The following IL1RAPL1 variants were observed in gnomAD, a reference collection of about 807,000 sequenced individuals.
IL1RAPL1 encodes interleukin-1 receptor accessory protein-like 1.
IL1RAPL1 carries 3 observed loss-of-function variants against 48.4 expected under a neutral mutation model. The ratio of observed to expected loss-of-function variants is 0.06; its 90% CI spans 0.03 to 0.16. The LOEUF is 0.16. Ranked by LOEUF, IL1RAPL1 falls within the 10% of genes least tolerant of loss-of-function variation. IL1RAPL1 has a pLI of 1.00. For missense variants in IL1RAPL1, 349 were observed against 530.6 expected, an observed-to-expected ratio of 0.66 and a Z score of 3.36; for synonymous variants, 185 against 187.7, an observed-to-expected ratio of 0.99 and a Z score of 0.12.
At chrX:29,350,509 G>T (rs1933215793) in intron 3 of IL1RAPL1, among the ~76,000 whole-genome samples, 2 of 107,354 alleles carry the variant, frequency 1.9e-5, no homozygotes, top group Admixed American at 2.0e-4. Context: ...AGTTTTCTCT[G>T]GGTACTCTGT....
At chrX:29,693,856 G>A (rs1383865972) in intron 6 of IL1RAPL1, among the ~76,000 whole-genome samples, 1 of 108,764 alleles carries the variant, frequency 9.2e-6, no homozygotes, top group Non-Finnish European at 1.9e-5. Context: ...GGTCAACTAT[G>A]CTTTTGAGGT....
chrX:29,457,423 C>T (rs955333208), intron 5 of IL1RAPL1, among the ~76,000 whole-genome samples: 1 of 110,991 alleles, frequency 9.0e-6, no homozygotes, highest in Non-Finnish European at 1.9e-5. Context: ...CCCATTTATA[C>T]GTGAGAACAT....
chrX:29,543,591 C>CATAT (rs34182954), intron 5 of IL1RAPL1, among the ~76,000 whole-genome samples: 1 of 105,881 alleles, frequency 9.4e-6, no homozygotes, highest in Admixed American at 1.0e-4. Flanking sequence ...AAACAAAAGA[C>CATAT]ATATATATAT....
chrX:28,730,470 A>G lies in IL1RAPL1; in HGVS notation c.-24-58850A>G, dbSNP rs1206775027. On this transcript the variant is annotated intron_variant, in intron 1 of 10. Coordinates refer to ENST00000378993, the MANE Select transcript of IL1RAPL1 (RefSeq NM_014271.4). Reference sequence around the variant, plus strand: ...ACTTGGCCATATTTTCTACAAAATTATCTAACATAGAATGAACATATTTAT... The same window carrying G: ...ACTTGGCCATATTTTCTACAAAATTGTCTAACATAGAATGAACATATTTAT... Among the ~76,000 whole-genome samples, 3 of 111,980 alleles carry G rather than the reference A, an allele frequency of 2.7e-5. No homozygotes were observed. In the East Asian group the frequency reaches 8.3e-4, roughly 31 times the overall value.
intron 2 of IL1RAPL1, among the ~76,000 whole-genome samples, chrX:28,946,649 A>G (rs1297173392): frequency 9.0e-6 from 1 of 110,815 alleles, no homozygotes. Context: ...CAATCCAAAC[A>G]ATATTTATTG....
chrX:29,152,381 T>G (rs1929484695), intron 2 of IL1RAPL1, among the ~76,000 whole-genome samples: 1 of 111,966 alleles, frequency 8.9e-6, no homozygotes, highest in African/African-American at 3.2e-5. Context: ...AGAGTATGCC[T>G]TGTGACTTTC....
At chrX:29,383,072 T>C (rs1446725884) in intron 3 of IL1RAPL1, among the ~76,000 whole-genome samples, 1 of 112,341 alleles carries the variant, frequency 8.9e-6, no homozygotes, top group Non-Finnish European at 1.9e-5. Context: ...ATGAAGGGTA[T>C]GTGCAACAAC....
intron 5 of IL1RAPL1, among the ~76,000 whole-genome samples, chrX:29,461,100 A>G (rs1830911416): frequency 8.9e-6 from 1 of 111,974 alleles, no homozygotes; most frequent in Admixed American, 9.5e-5. Context: ...AGAAAAACAC[A>G]TTTAAAAAAA....
chrX:29,537,056 CTG>C (rs1921258850), intron 5 of IL1RAPL1, among the ~76,000 whole-genome samples: 1 of 110,617 alleles, frequency 9.0e-6, no homozygotes, highest in South Asian at 3.8e-4. Flanking sequence ...TTCCTTAAAA[CTG>C]TGTTATTACT....
At chrX:29,406,635 G>A (rs943089631) in intron 5 of IL1RAPL1, among the ~76,000 whole-genome samples, 3 of 110,627 alleles carry the variant, frequency 2.7e-5, no homozygotes, top group Non-Finnish European at 1.9e-5. Context: ...TAATACTACC[G>A]AGTTTTACAT....
chrX:29,862,760 G>A (rs975361113), intron 6 of IL1RAPL1, among the ~76,000 whole-genome samples: 3 of 109,701 alleles, frequency 2.7e-5, no homozygotes, highest in Non-Finnish European at 3.8e-5. Context: ...AATATCTATC[G>A]GTAGACATTT....
chrX:28,602,020 G>A (rs1485427164), intron 1 of IL1RAPL1, among the ~76,000 whole-genome samples: 1 of 106,807 alleles, frequency 9.4e-6, no homozygotes, highest in African/African-American at 3.4e-5. Context: ...CAGGAGAATC[G>A]CTTGAACCTG....
At chrX:28,944,855 A>G (rs1924255167) in intron 2 of IL1RAPL1, among the ~76,000 whole-genome samples, 1 of 110,138 alleles carries the variant, frequency 9.1e-6, no homozygotes, top group African/African-American at 3.3e-5. Flanking sequence ...AAGTCATAGC[A>G]TGTCACTTTC....
chrX:29,215,274 C>T (rs190208839), intron 2 of IL1RAPL1, among the ~76,000 whole-genome samples: 1,854 of 106,760 alleles, frequency 0.017, 17 homozygotes, highest in Middle Eastern at 0.043. Flanking sequence ...ACCTGGGAGG[C>T]GGAGGTTGCA....
At chrX:28,741,182 C>G (rs147890101) in intron 1 of IL1RAPL1, among the ~76,000 whole-genome samples, 113 of 111,797 alleles carry the variant, frequency 1.0e-3, no homozygotes, top group African/African-American at 3.4e-3. Flanking sequence ...TCCCTTTTCT[C>G]CACATCCTCA....
intron 2 of IL1RAPL1, among the ~76,000 whole-genome samples, chrX:29,168,543 T>G (rs1485516309): frequency 1.6e-5 from 1 of 64,016 alleles, no homozygotes; most frequent in Admixed American, 1.9e-4. Flanking sequence ...TATGGCTGAA[T>G]AGTATTCAAT....
intron 2 of IL1RAPL1, among the ~76,000 whole-genome samples, chrX:28,999,310 T>C (rs5985942): frequency 0.045 from 5,015 of 111,281 alleles, 283 homozygotes; most frequent in African/African-American, 0.15. Flanking sequence ...TCTTGCCTCT[T>C]ATTTTTCCTT....
intron 2 of IL1RAPL1, among the ~76,000 whole-genome samples, chrX:28,880,780 A>G (rs1456457610): frequency 3.6e-5 from 4 of 111,456 alleles, no homozygotes; most frequent in Non-Finnish European, 7.5e-5. Flanking sequence ...GCTATTTTAT[A>G]ACTATAAATT....
At chrX:29,002,959 G>A (rs1446963245) in intron 2 of IL1RAPL1, among the ~76,000 whole-genome samples, 1 of 109,871 alleles carries the variant, frequency 9.1e-6, no homozygotes, top group African/African-American at 3.3e-5. Flanking sequence ...ATAGAGTGAA[G>A]GGTTAATTGG....
Sources: allele counts gnomAD v4.1 joint callset (sites outside exome capture counted in the v4.1 genomes callset), GRCh38; gene constraint gnomAD v4.1.1; transcripts MANE v1.5; gene names NCBI Gene and HGNC (gene_info 2026-07-23, HGNC 2026-07-21).